Variants in EFCAB11 observed in about 807,000 individuals in gnomAD.
EFCAB11 encodes the protein EF-hand calcium-binding domain-containing protein 11.
Under a neutral mutation model 23.0 loss-of-function variants are expected in EFCAB11, and 14 were observed. The observed-to-expected ratio is 0.61, with a 90% confidence interval of 0.40 to 0.95. The LOEUF (loss-of-function observed/expected upper bound fraction) is 0.95, where lower values mean the gene tolerates loss of function less well. EFCAB11 is among the 40% of genes least tolerant of loss of function. The probability of loss-of-function intolerance (pLI) is 0.00; values close to 1 mark genes in which losing one functional copy is unlikely to be tolerated. For synonymous variants in EFCAB11, 65 were observed against 66.6 expected, an observed-to-expected ratio of 0.98 and a Z score of 0.11; for missense variants, 198 against 195.8, an observed-to-expected ratio of 1.01 and a Z score of -0.07.
chr14:89,884,989 T>C (rs892939606), intron 5 of EFCAB11, among the ~76,000 whole-genome samples: 13 of 152,340 alleles, frequency 8.5e-5, no homozygotes, highest in African/African-American at 2.4e-4. Flanking sequence ...GGCATCTGAT[T>C]GCAGACTTCG....
At chr14:89,911,708 G>A (rs1218907117) in intron 5 of EFCAB11, among the ~76,000 whole-genome samples, 1 of 152,222 alleles carries the variant, frequency 6.6e-6, no homozygotes, top group Admixed American at 6.5e-5. Flanking sequence ...CCTGGATGCT[G>A]GGAACAGAGT....
intron 5 of EFCAB11, among the ~76,000 whole-genome samples, chr14:89,859,830 C>T (rs999486597): frequency 1.3e-5 from 2 of 152,158 alleles, no homozygotes; most frequent in African/African-American, 4.8e-5. Flanking sequence ...AATGTGGAGT[C>T]ATACCATGCA....
At chr14:89,806,111 T>C (rs946747514) in intron 5 of EFCAB11, among the ~76,000 whole-genome samples, 2 of 152,148 alleles carry the variant, frequency 1.3e-5, no homozygotes, top group Non-Finnish European at 2.9e-5. Context: ...AGTGACGGAA[T>C]AAATTCTCCA....
At chr14:89,951,387 T>C (rs1294589266) in intron 2 of EFCAB11, among the ~76,000 whole-genome samples, 1 of 152,192 alleles carries the variant, frequency 6.6e-6, no homozygotes, top group Non-Finnish European at 1.5e-5. Flanking sequence ...CTATCTTCTC[T>C]AGTCTAAATG....
At chr14:89,870,681 C>T (rs1888238457) in intron 5 of EFCAB11, among the ~76,000 whole-genome samples, 1 of 151,598 alleles carries the variant, frequency 6.6e-6, no homozygotes, top group African/African-American at 2.4e-5. Context: ...CCTGTAATCC[C>T]AGCACTTTGG....
chr14:89,860,256 C>G (rs1408005398), intron 5 of EFCAB11, among the ~76,000 whole-genome samples: 2 of 152,040 alleles, frequency 1.3e-5, no homozygotes. Flanking sequence ...CCCTGTTACT[C>G]GGGAGACTGA....
intron 5 of EFCAB11, among the ~76,000 whole-genome samples, chr14:89,921,306 A>G (rs1890016858): frequency 1.3e-5 from 2 of 152,206 alleles, no homozygotes; most frequent in Admixed American, 1.3e-4. Flanking sequence ...ATTTCTGTCT[A>G]TATGGCCTTG....
chr14:89,880,351 G>T (rs1490858501), intron 5 of EFCAB11, among the ~76,000 whole-genome samples: 1 of 152,130 alleles, frequency 6.6e-6, no homozygotes. Context: ...GGACTTCCCA[G>T]CCTCCAGAAG....
intron 5 of EFCAB11, among the ~76,000 whole-genome samples, chr14:89,819,560 C>T (rs1596381705): frequency 1.3e-5 from 2 of 151,982 alleles, no homozygotes; most frequent in Admixed American, 1.3e-4. Context: ...GCTGGGACTA[C>T]AGGGGACTAC....
chr14:89,872,249 C>T (rs1302709880), intron 5 of EFCAB11, among the ~76,000 whole-genome samples: 2 of 152,190 alleles, frequency 1.3e-5, no homozygotes, highest in African/African-American at 4.8e-5. Context: ...TGGCCACCTA[C>T]GTTGGGTCTT....
chr14:89,798,284 A>G (rs1190063328), intron 5 of EFCAB11, among the ~76,000 whole-genome samples: 1 of 152,260 alleles, frequency 6.6e-6, no homozygotes, highest in East Asian at 1.9e-4. Flanking sequence ...AAAAATCCCT[A>G]CTTCTCTGCC....
intron 5 of EFCAB11, among the ~76,000 whole-genome samples, chr14:89,822,123 G>A (rs773687262): frequency 2.8e-4 from 43 of 151,986 alleles, no homozygotes; most frequent in Non-Finnish European, 4.3e-4. Flanking sequence ...TGTTTACACC[G>A]AATCTATTGT....
intron 2 of EFCAB11, among the ~76,000 whole-genome samples, chr14:89,951,830 CAGG>C (rs889545923): frequency 6.6e-6 from 1 of 151,782 alleles, no homozygotes; most frequent in Non-Finnish European, 1.5e-5. Context: ...GAGGATGAGG[CAGG>C]AGAATTGCTT....
intron 5 of EFCAB11, chr14:89,831,253 A>G (rs145347842): frequency 5.9e-5 from 9 of 152,348 alleles, no homozygotes; most frequent in African/African-American, 2.2e-4. Context: ...GTTACCATTA[A>G]TTAAGATGGC....
chr14:89,892,549 A>G (rs1889006076), intron 5 of EFCAB11: 4 of 911,374 alleles, frequency 4.4e-6, no homozygotes, highest in Non-Finnish European at 6.5e-6. Context: ...GTTCATATAA[A>G]CAGTATCCTG....
At chr14:89,949,742 C>T (rs1891100811) in intron 3 of EFCAB11, among the ~76,000 whole-genome samples, 1 of 152,110 alleles carries the variant, frequency 6.6e-6, no homozygotes, top group Admixed American at 6.5e-5. Context: ...ATACCCAAGG[C>T]TGGGCAACTT....
At chr14:89,854,780 T>C (rs1887699718) in intron 5 of EFCAB11, among the ~76,000 whole-genome samples, 1 of 152,134 alleles carries the variant, frequency 6.6e-6, no homozygotes, top group Non-Finnish European at 1.5e-5. Flanking sequence ...TCTCCTCAAC[T>C]TCTCCATGTC....
chr14:89,908,724 T>A (rs1889571305), intron 5 of EFCAB11, among the ~76,000 whole-genome samples: 1 of 152,050 alleles, frequency 6.6e-6, no homozygotes, highest in Non-Finnish European at 1.5e-5. Flanking sequence ...CAATCCATCT[T>A]ATCGAAGGTA....
At chr14:89,865,502 T>C (rs951828023) in intron 5 of EFCAB11, among the ~76,000 whole-genome samples, 2 of 151,882 alleles carry the variant, frequency 1.3e-5, no homozygotes, top group African/African-American at 4.8e-5. Context: ...GCTGGAGGTC[T>C]AAAAAAAATT....
Sources: gnomAD v4.1 joint callset for allele counts (sites outside exome capture counted in the v4.1 genomes callset) on GRCh38, gnomAD v4.1.1 for gene constraint, MANE v1.5 for transcripts, NCBI Gene and HGNC (gene_info 2026-07-23, HGNC 2026-07-21) for gene names.